CDC42: variants seen among roughly 807,000 people sequenced by gnomAD.
CDC42 encodes cell division cycle 42.
CDC42 carries 1 observed loss-of-function variant against 20.8 expected under a neutral mutation model. That is an observed-to-expected ratio of 0.05 (90% CI 0.02 to 0.23). CDC42 has a LOEUF of 0.23. Among genes scored for constraint, CDC42 ranks in the 10% least tolerant of loss-of-function variants. The probability of loss-of-function intolerance (pLI) is 1.00; values close to 1 mark genes in which losing one functional copy is unlikely to be tolerated. For synonymous variants in CDC42, 72 were observed against 84.8 expected (o/e 0.85, Z 0.83); for missense variants, 49 against 227.9 (o/e 0.21, Z 5.05).
chr1:22,078,620 G>A lies in CDC42; in HGVS notation c.105+37G>A, dbSNP rs755848114. 17 of 1,569,834 alleles carry A rather than the reference G, an allele frequency of 1.1e-5. No homozygotes were observed. In the South Asian group the frequency reaches 2.0e-4, roughly 18 times the overall value. ...GGCTTCCTTCTGTTAGTAAAATGTT[G>A]TAAAATTTGATATCCTTTTGAAAAC... On this transcript the variant is annotated intron_variant, in intron 2 of 5. Transcript: ENST00000656825.
chr1:22,054,920 TA>T (rs2152825238), intron 1 of CDC42, among the ~76,000 whole-genome samples: 1 of 9,340 alleles, frequency 1.1e-4, no homozygotes, highest in African/African-American at 2.9e-4. Flanking sequence ...TATATATATA[TA>T]TTTTTTTTTT....
chr1:22,090,678 AGTTT>A (rs1645706877), intron 5 of CDC42: 1 of 985,298 alleles, frequency 1.0e-6, no homozygotes, highest in African/African-American at 1.7e-5. Flanking sequence ...GTTGACTTAC[AGTTT>A]GTTAATGCTG....
At chr1:22,083,606 A>T (rs1286649179) in intron 3 of CDC42, among the ~76,000 whole-genome samples, 2 of 142,124 alleles carry the variant, frequency 1.4e-5, no homozygotes, top group African/African-American at 2.7e-5. Flanking sequence ...CTCCGTCTTT[A>T]AAAAAAAAAA....
chr1:22,078,721 G>A, intron 2 of CDC42, 138 bp downstream of exon 2: 1 of 1,502,024 alleles, frequency 6.7e-7, no homozygotes, highest in Non-Finnish European at 8.9e-7. Flanking sequence ...GACTTCTCAT[G>A]GGTAAATTAT....
intron 1 of CDC42, among the ~76,000 whole-genome samples, chr1:22,074,532 C>G (rs778076066): frequency 9.2e-5 from 14 of 152,066 alleles, no homozygotes; most frequent in Non-Finnish European, 2.1e-4. Context: ...CCCCTGATTG[C>G]TCCCTTTACC....
At chr1:22,065,857 C>CA (rs1418411128) in intron 1 of CDC42, among the ~76,000 whole-genome samples, 1 of 152,102 alleles carries the variant, frequency 6.6e-6, no homozygotes, top group Non-Finnish European at 1.5e-5. Context: ...CTCCCGGGTT[C>CA]AAGCGATTCT....
chr1:22,088,806 AG>A (rs1645687990), intron 5 of CDC42, among the ~76,000 whole-genome samples: 2 of 152,066 alleles, frequency 1.3e-5, no homozygotes, highest in Admixed American at 6.6e-5. Context: ...GTTGGTTCCT[AG>A]ATGTGCAGAA....
At chr1:22,065,077 T>C (rs1645407349) in intron 1 of CDC42, among the ~76,000 whole-genome samples, 1 of 152,234 alleles carries the variant, frequency 6.6e-6, no homozygotes, top group Admixed American at 6.5e-5. Context: ...CCTGTGATGG[T>C]GATACTATTG....
chr1:22,082,480 A>G (rs1645618123), intron 3 of CDC42, among the ~76,000 whole-genome samples: 1 of 152,208 alleles, frequency 6.6e-6, no homozygotes, highest in African/African-American at 2.4e-5. Context: ...CTTGTTTTCA[A>G]GAGTGGCTGC....
intron 1 of CDC42, among the ~76,000 whole-genome samples, chr1:22,054,003 A>C (rs1276191627): frequency 6.6e-6 from 1 of 152,084 alleles, no homozygotes; most frequent in African/African-American, 2.4e-5. Flanking sequence ...CAGACTGTTT[A>C]TTCTCCTTTA....
intron 3 of CDC42, among the ~76,000 whole-genome samples, chr1:22,084,006 G>A (rs1645634300): frequency 6.6e-6 from 1 of 152,134 alleles, no homozygotes; most frequent in Non-Finnish European, 1.5e-5. Flanking sequence ...GTGTTATTCT[G>A]TTCTATGAAT....
intron 5 of CDC42, 150 bp from the exon 6 acceptor site, chr1:22,091,278 G>A (rs1384596438): frequency 1.0e-5 from 6 of 582,250 alleles, no homozygotes; most frequent in Non-Finnish European, 1.9e-5. Flanking sequence ...ACAAATCTTG[G>A]TGAAGTGAGA....
chr1:22,074,881 ATTAG>A (rs950608198), intron 1 of CDC42, among the ~76,000 whole-genome samples: 1 of 152,232 alleles, frequency 6.6e-6, no homozygotes, highest in Admixed American at 6.5e-5. Flanking sequence ...CAAAGGGCCT[ATTAG>A]TTGTTTCAGA....
chr1:22,078,749 G>A (rs1404163161), intron 2 of CDC42, 166 bp downstream of exon 2: 1 of 1,496,554 alleles, frequency 6.7e-7, no homozygotes, highest in Non-Finnish European at 8.9e-7. Context: ...TTAAACAGCT[G>A]AAAAATCAGT....
At chr1:22,064,243 T>G (rs1645396906) in intron 1 of CDC42, 2 of 152,024 alleles carry the variant, frequency 1.3e-5, no homozygotes, top group Admixed American at 1.3e-4. Flanking sequence ...TGAGGGAAAA[T>G]CTTACTGTAA....
At chr1:22,082,808 A>G (rs1019609494) in intron 3 of CDC42, among the ~76,000 whole-genome samples, 1 of 151,896 alleles carries the variant, frequency 6.6e-6, no homozygotes, top group Non-Finnish European at 1.5e-5. Context: ...GAAAACAATG[A>G]CCCATAATGT....
At chr1:22,071,201 G>A (rs749085451) in intron 1 of CDC42, among the ~76,000 whole-genome samples, 4 of 151,660 alleles carry the variant, frequency 2.6e-5, no homozygotes, top group Non-Finnish European at 5.9e-5. Context: ...CTGCCACCAC[G>A]CCCGGCTAAT....
chr1:22,056,803 A>G (rs1351981961), intron 1 of CDC42, among the ~76,000 whole-genome samples: 1 of 152,270 alleles, frequency 6.6e-6, no homozygotes, highest in Non-Finnish European at 1.5e-5. Context: ...TAGCCATTAT[A>G]CTAAAGTCCA....
At chr1:22,072,871 C>T (rs1645507329) in intron 1 of CDC42, among the ~76,000 whole-genome samples, 1 of 152,052 alleles carries the variant, frequency 6.6e-6, no homozygotes, top group African/African-American at 2.4e-5. Context: ...ATTTGACTTG[C>T]CTTTTATTCA....
Sources: allele counts gnomAD v4.1 joint callset (sites outside exome capture counted in the v4.1 genomes callset), GRCh38; gene constraint gnomAD v4.1.1; transcripts MANE v1.5; gene names NCBI Gene and HGNC (gene_info 2026-07-23, HGNC 2026-07-21).